GABRG3: variants seen among roughly 807,000 people sequenced by gnomAD.
The protein encoded by GABRG3 is gamma-aminobutyric acid receptor subunit gamma-3.
In GABRG3, 25 loss-of-function variants were observed where a neutral mutation model predicts 48.8. The observed-to-expected ratio is 0.51, with a 90% CI of 0.37 to 0.72. GABRG3 has a LOEUF of 0.72. Among genes scored for constraint, GABRG3 ranks in the 30% least tolerant of loss-of-function variants. GABRG3 has a pLI of 0.00. For synonymous variants in GABRG3, 227 were observed against 217.6 expected, an observed-to-expected ratio of 1.04 and a Z score of -0.38; for missense variants, 394 against 577.9, an observed-to-expected ratio of 0.68 and a Z score of 3.26.
intron 3 of GABRG3, among the ~76,000 whole-genome samples, chr15:27,310,231 G>T (rs141571794): frequency 6.6e-6 from 1 of 152,066 alleles, no homozygotes; most frequent in African/African-American, 2.4e-5. Context: ...TGGGCAGGGG[G>T]TGATAGAACT....
chr15:27,154,145 C>A (rs1309796194), intron 3 of GABRG3, among the ~76,000 whole-genome samples: 1 of 152,124 alleles, frequency 6.6e-6, no homozygotes, highest in African/African-American at 2.4e-5. Flanking sequence ...ATAGAATCTG[C>A]ACCTTGAGGT....
At chr15:27,237,456 G>A (rs1890008479) in intron 3 of GABRG3, among the ~76,000 whole-genome samples, 1 of 152,212 alleles carries the variant, frequency 6.6e-6, no homozygotes, top group Non-Finnish European at 1.5e-5. Context: ...TGAAGAGGCT[G>A]AGCTGGACCT....
chr15:27,167,445 G>T (rs1232931571), intron 3 of GABRG3, among the ~76,000 whole-genome samples: 1 of 152,196 alleles, frequency 6.6e-6, no homozygotes, highest in African/African-American at 2.4e-5. Context: ...TCCTGGCTGG[G>T]CTCAGCTTAG....
chr15:27,246,101 C>T (rs1045565705), intron 3 of GABRG3, among the ~76,000 whole-genome samples: 1 of 152,064 alleles, frequency 6.6e-6, no homozygotes, highest in South Asian at 2.1e-4. Context: ...ATCTGCCCCA[C>T]GACCCAAACA....
intron 3 of GABRG3, among the ~76,000 whole-genome samples, chr15:27,077,798 C>T (rs535099117): frequency 2.6e-5 from 4 of 152,252 alleles, no homozygotes; most frequent in African/African-American, 9.6e-5. Flanking sequence ...CTCTCTTGTC[C>T]TAAACAGTAT....
At chr15:27,445,372 A>C (rs1888913832) in intron 5 of GABRG3, among the ~76,000 whole-genome samples, 1 of 152,172 alleles carries the variant, frequency 6.6e-6, no homozygotes, top group Admixed American at 6.5e-5. Context: ...TATTAGAGCC[A>C]TCCTGGTAAG....
At chr15:27,233,573 A>C (rs1193434939) in intron 3 of GABRG3, among the ~76,000 whole-genome samples, 3 of 152,110 alleles carry the variant, frequency 2.0e-5, no homozygotes, top group African/African-American at 7.2e-5. Flanking sequence ...ATGAGGCACT[A>C]ATCTCATCAC....
At chr15:27,472,161 A>G (rs1235225852) in intron 5 of GABRG3, among the ~76,000 whole-genome samples, 1 of 152,006 alleles carries the variant, frequency 6.6e-6, no homozygotes, top group Non-Finnish European at 1.5e-5. Context: ...TAGGATTTGA[A>G]TGTTTTTTTT....
chr15:27,293,365 G>A (rs1386475262), intron 3 of GABRG3, among the ~76,000 whole-genome samples: 3 of 152,096 alleles, frequency 2.0e-5, no homozygotes, highest in African/African-American at 4.8e-5. Context: ...ATGCTGGGGG[G>A]AATGCAGAGA....
intron 3 of GABRG3, among the ~76,000 whole-genome samples, chr15:27,323,778 C>T (rs1217324724): frequency 1.3e-5 from 2 of 152,190 alleles, no homozygotes; most frequent in Non-Finnish European, 2.9e-5. Flanking sequence ...AACCCTTTCC[C>T]TCCTTCCCCA....
chr15:27,363,032 C>T (rs1365530988), intron 5 of GABRG3: 1 of 152,094 alleles, frequency 6.6e-6, no homozygotes, highest in African/African-American at 2.4e-5. Flanking sequence ...ATTTTAAGGG[C>T]TTAGAAACTG....
rs961917647 is a variant in GABRG3, at chr15:26,974,218, C to T, written c.53+2630C>T. ...TGCCTCCCAAAGGGGTGGAAGAGAACGTTCCTGCTTTCTTTTTCTTGGTCC... is the reference window on the plus strand; with the variant it reads ...TGCCTCCCAAAGGGGTGGAAGAGAATGTTCCTGCTTTCTTTTTCTTGGTCC... On this transcript the variant is annotated intron_variant, in intron 1 of 9. Coordinates refer to ENST00000615808, the MANE Select transcript of GABRG3 (RefSeq NM_033223.5). The surrounding 1 kb of genome is among the most constrained non-coding windows in gnomAD (Gnocchi z 4.3). Among the ~76,000 whole-genome samples, 13 of 152,150 alleles carry T rather than the reference C, an allele frequency of 8.5e-5. No individual in the cohort carries two copies. Among genetic ancestry groups the T allele is most frequent in the Admixed American group, 6.5e-4 (10 of 15,282 alleles).
At chr15:27,297,681 T>C (rs1209255290) in intron 3 of GABRG3, among the ~76,000 whole-genome samples, 1 of 152,182 alleles carries the variant, frequency 6.6e-6, no homozygotes, top group Non-Finnish European at 1.5e-5. Flanking sequence ...ATTTGAACAA[T>C]GCATTTCTTA....
intron 2 of GABRG3, among the ~76,000 whole-genome samples, chr15:26,985,362 G>A (rs1055329544): frequency 6.6e-6 from 1 of 152,248 alleles, no homozygotes; most frequent in Non-Finnish European, 1.5e-5. Context: ...ATGAGGAAGT[G>A]AAAACAGAAA....
At chr15:27,298,440 G>T (rs1030513886) in intron 3 of GABRG3, among the ~76,000 whole-genome samples, 3 of 151,998 alleles carry the variant, frequency 2.0e-5, no homozygotes, top group African/African-American at 7.3e-5. Context: ...AAAGAGGGAG[G>T]TTGTAGTAAT....
chr15:27,075,000 C>T (rs1416245907), intron 3 of GABRG3, among the ~76,000 whole-genome samples: 1 of 152,162 alleles, frequency 6.6e-6, no homozygotes, highest in Non-Finnish European at 1.5e-5. Flanking sequence ...TAACAGCCTA[C>T]ATTCAAAGGT....
intron 5 of GABRG3, among the ~76,000 whole-genome samples, chr15:27,351,924 TGTGTGTGTATGGTGTGTGTTTATC>T (rs1179208219): frequency 2.0e-5 from 3 of 149,772 alleles, no homozygotes; most frequent in Non-Finnish European, 4.5e-5. Context: ...TGTGTGTGTT[TGTGTGTGTATGGTGTGTGTTTATC>T]GTGTGTGTAT....
In GABRG3 at chr15:27,093,062, A is replaced by G. The variant is rs561289777; in HGVS notation, c.270+66241A>G. The stretch of plus-strand genomic sequence containing the variant: ...CACGGACTCCTCTAGACAGGCAGCC[A>G]TTGGGTTGAGAGAGAGGATCTCCTC... On this transcript the variant is annotated intron_variant, in intron 3 of 9. Transcript: ENST00000615808. Among the ~76,000 whole-genome samples the G allele has an allele frequency of 5.3e-5, 8 of 152,158 alleles. No individual in the cohort carries two copies. In the South Asian group the frequency reaches 1.7e-3, roughly 32 times the overall value.
chr15:27,229,538 G>T (rs1253815199), intron 3 of GABRG3, among the ~76,000 whole-genome samples: 3 of 151,904 alleles, frequency 2.0e-5, no homozygotes, highest in South Asian at 2.1e-4. Context: ...GTGCAGTGGT[G>T]TGATCTCAGC....
Sources: gnomAD v4.1 joint callset for allele counts (sites outside exome capture counted in the v4.1 genomes callset) on GRCh38, gnomAD v4.1.1 for gene constraint, Gnocchi (gnomAD v3.1) non-coding constraint, MANE v1.5 for transcripts, NCBI Gene and HGNC (gene_info 2026-07-23, HGNC 2026-07-21) for gene names.